The following CCDC170 variants were observed in gnomAD, a reference collection of about 807,000 sequenced individuals.
CCDC170 encodes coiled-coil domain-containing protein 170.
A neutral mutation model predicts 72.6 loss-of-function variants in CCDC170; 69 were observed. The observed-to-expected ratio is 0.95, with a 90% CI of 0.78 to 1.16. The LOEUF (loss-of-function observed/expected upper bound fraction) is 1.16, where lower values mean the gene tolerates loss of function less well. Ranked by LOEUF, CCDC170 falls within the 50% of genes most tolerant of loss-of-function variation. CCDC170 has a pLI of 0.00. For missense variants in CCDC170, 852 were observed against 832.5 expected (o/e 1.02, Z -0.29); for synonymous variants, 300 against 303.9 (o/e 0.99, Z 0.13).
chr6:151,579,864 A>T (rs1450190258), intron 6 of CCDC170, among the ~76,000 whole-genome samples: 2 of 152,224 alleles, frequency 1.3e-5, no homozygotes, highest in African/African-American at 4.8e-5. Flanking sequence ...ACTGTAAATT[A>T]TCTAAATCAG....
Position 151,544,716 on chromosome 6 carries a change from G to A in CCDC170, c.588G>A (p.Lys196=), listed in dbSNP as rs754319272. 6.2e-7 allele frequency: 1 copy of A among 1,610,414 alleles called. No individual in the cohort carries two copies. Among genetic ancestry groups the A allele is most frequent in the Non-Finnish European group, 8.5e-7 (1 of 1,177,072 alleles). The change falls in exon 4 of 11, where the codon AAG becomes AAA. Residue 196 remains lysine, a splice_region_variant and synonymous_variant. Coordinates refer to ENST00000239374, the MANE Select transcript of CCDC170 (RefSeq NM_025059.4). ...DKASDEDLIL[K]LRDLRKENEF... ...CATCAGATGAAGATTTAATTTTAAA[G>A]GTGTCTGTATGCAGATTAAAAAGTC...
intron 9 of CCDC170, among the ~76,000 whole-genome samples, chr6:151,602,761 T>C (rs1228045059): frequency 6.6e-6 from 1 of 152,208 alleles, no homozygotes; most frequent in African/African-American, 2.4e-5. Flanking sequence ...GTCAATTAAA[T>C]TTATTTCTGT....
intron 1 of CCDC170, among the ~76,000 whole-genome samples, chr6:151,534,846 T>C (rs1041818154): frequency 6.6e-6 from 1 of 152,234 alleles, no homozygotes; most frequent in Non-Finnish European, 1.5e-5. Context: ...CTGGCAGTCT[T>C]AAATAGATTT....
intron 5 of CCDC170, among the ~76,000 whole-genome samples, chr6:151,550,491 T>G (rs775043015): frequency 3.9e-5 from 6 of 152,202 alleles, no homozygotes; most frequent in African/African-American, 1.2e-4. Flanking sequence ...ATAATTTCTA[T>G]TTTCAATTAA....
Position 151,524,685 on chromosome 6 carries a change from A to G in CCDC170, c.58-11633A>G, listed in dbSNP as rs143732881. Among the ~76,000 whole-genome samples, 317 of 152,180 alleles carry G rather than the reference A, an allele frequency of 2.1e-3. 2 individuals are homozygous for G. The highest frequency in any genetic ancestry group is 0.019 in the Admixed American group (288 of 15,276). On this transcript the variant is annotated intron_variant, in intron 1 of 10. Transcript: ENST00000239374. ...CCTCTAATCTTGATCATCTTCTCCC[A>G]TTGTTCAGAGGTTATTATGATGTAA...
intron 3 of CCDC170, among the ~76,000 whole-genome samples, chr6:151,540,282 G>A (rs1010669818): frequency 4.0e-5 from 6 of 149,344 alleles, no homozygotes; most frequent in Non-Finnish European, 3.0e-5. Context: ...ATCCTCACAC[G>A]GCAGAGAAAG....
chr6:151,505,095 G>A lies in CCDC170; in HGVS notation c.57+10910G>A, dbSNP rs935697095. Among the ~76,000 whole-genome samples the A allele has an allele frequency of 3.3e-5, 5 of 152,122 alleles. 1 individual carries two copies. The highest frequency in any genetic ancestry group is 4.1e-4 in the South Asian group (2 of 4,822). Reference sequence around the variant, plus strand: ...AAGTGTCACCTGGACTTGGTGGCCCGCGGAGCTGCCCGCTGGCCTCCTGGG... The same window carrying A: ...AAGTGTCACCTGGACTTGGTGGCCCACGGAGCTGCCCGCTGGCCTCCTGGG... On this transcript the variant is annotated intron_variant, in intron 1 of 10. Coordinates refer to ENST00000239374, the MANE Select transcript of CCDC170 (RefSeq NM_025059.4).
intron 5 of CCDC170, among the ~76,000 whole-genome samples, chr6:151,550,371 G>T (rs1409741942): frequency 6.6e-6 from 1 of 152,210 alleles, no homozygotes; most frequent in Non-Finnish European, 1.5e-5. Context: ...CTGGGGAATT[G>T]GTGGGTGCAG....
At chr6:151,581,004 G>A (rs1776372148) in intron 6 of CCDC170, among the ~76,000 whole-genome samples, 1 of 152,146 alleles carries the variant, frequency 6.6e-6, no homozygotes, top group African/African-American at 2.4e-5. Flanking sequence ...TTATTGCTAA[G>A]AAGTGCTAAC....
chr6:151,599,113 C>A lies in CCDC170; in HGVS notation c.1710+2536C>A, dbSNP rs140815217. Among the ~76,000 whole-genome samples the A allele has an allele frequency of 1.1e-3, 160 of 152,284 alleles. 1 individual carries two copies. Among genetic ancestry groups the A allele is most frequent in the African/African-American group, 3.7e-3 (153 of 41,560 alleles). ...TTGAACAAAATAGGAAAAGGAACCT[C>A]ACCATTATAGCCAATGTGTGATGCA... On this transcript the variant is annotated intron_variant, in intron 9 of 10. Coordinates refer to ENST00000239374, the MANE Select transcript of CCDC170 (RefSeq NM_025059.4).
chr6:151,556,780 A>C (rs1782984251), intron 5 of CCDC170, among the ~76,000 whole-genome samples: 2 of 152,274 alleles, frequency 1.3e-5, no homozygotes, highest in South Asian at 4.1e-4. Context: ...TATACAATAC[A>C]TTGTTAACTA....
At chr6:151,590,821 TAGAA>T (rs1460333591) in intron 7 of CCDC170, among the ~76,000 whole-genome samples, 28 of 152,292 alleles carry the variant, frequency 1.8e-4, no homozygotes, top group African/African-American at 6.7e-4. Context: ...TATGTAGAAA[TAGAA>T]AGAAAGAGGG....
At chr6:151,558,055 C>A (rs183057369) in intron 5 of CCDC170, among the ~76,000 whole-genome samples, 5 of 151,958 alleles carry the variant, frequency 3.3e-5, no homozygotes, top group African/African-American at 9.7e-5. Flanking sequence ...GCCGAGATTG[C>A]GCCACTGCAC....
intron 7 of CCDC170, 110 bp from the exon 8 acceptor site, chr6:151,592,996 TC>T (rs1398457054): frequency 1.7e-6 from 2 of 1,182,512 alleles, no homozygotes; most frequent in East Asian, 5.0e-5. Flanking sequence ...TTCCATGCTC[TC>T]TGCAAAGGAG....
intron 1 of CCDC170, among the ~76,000 whole-genome samples, chr6:151,527,525 T>C (rs1229009378): frequency 6.6e-6 from 1 of 152,064 alleles, no homozygotes; most frequent in Non-Finnish European, 1.5e-5. Context: ...AATGATAACA[T>C]TGGAGAAATG....
At chr6:151,533,433 T>G (rs953589369) in intron 1 of CCDC170, among the ~76,000 whole-genome samples, 2 of 151,938 alleles carry the variant, frequency 1.3e-5, no homozygotes, top group African/African-American at 2.4e-5. Context: ...TTTGGGAGGC[T>G]GAGGCAGGCA....
At chr6:151,607,837 T>G (rs1287261268) in intron 9 of CCDC170, among the ~76,000 whole-genome samples, 1 of 152,176 alleles carries the variant, frequency 6.6e-6, no homozygotes, top group African/African-American at 2.4e-5. Flanking sequence ...GTTGAAACTG[T>G]TTGGGGATCT....
chr6:151,590,223 T>C (rs1776513766), intron 7 of CCDC170, among the ~76,000 whole-genome samples: 1 of 152,212 alleles, frequency 6.6e-6, no homozygotes, highest in African/African-American at 2.4e-5. Context: ...CTTCTCCAAA[T>C]ATACCAAGCT....
chr6:151,536,169 G>A, intron 1 of CCDC170, 149 bp from the exon 2 acceptor site: 1 of 865,400 alleles, frequency 1.2e-6, no homozygotes, highest in Admixed American at 2.6e-5. Context: ...GAACCAAATG[G>A]TCTGAACATA....
Sources: allele counts gnomAD v4.1 joint callset (sites outside exome capture counted in the v4.1 genomes callset), GRCh38; gene constraint gnomAD v4.1.1; transcripts MANE v1.5; gene names NCBI Gene and HGNC (gene_info 2026-07-23, HGNC 2026-07-21).